AGMO: variants seen among roughly 807,000 people sequenced by gnomAD.
The protein encoded by AGMO is glyceryl-ether monooxygenase.
In AGMO, 75 loss-of-function variants were observed where a neutral mutation model predicts 60.2. The observed-to-expected ratio is 1.25, with a 90% confidence interval of 1.03 to 1.51. The LOEUF (loss-of-function observed/expected upper bound fraction) is 1.51. AGMO is among the 40% of genes most tolerant of loss of function. The pLI, the probability that AGMO is intolerant of heterozygous loss-of-function variation, is 0.00. For missense variants in AGMO, 763 were observed against 525.5 expected, an observed-to-expected ratio of 1.45 and a Z score of -4.42; for synonymous variants, 261 against 177.1, an observed-to-expected ratio of 1.47 and a Z score of -3.76.
At chr7:15,495,112 A>G (rs1380630457) in intron 3 of AGMO, among the ~76,000 whole-genome samples, 1 of 152,200 alleles carries the variant, frequency 6.6e-6, no homozygotes, top group Non-Finnish European at 1.5e-5. Flanking sequence ...TTAATGTGTT[A>G]TATGTAATAA....
At chr7:15,305,187 C>T (rs967669102) in intron 12 of AGMO, among the ~76,000 whole-genome samples, 2 of 150,702 alleles carry the variant, frequency 1.3e-5, no homozygotes, top group Non-Finnish European at 3.0e-5. Flanking sequence ...TGCTATTCTC[C>T]ACCAGAGGGC....
chr7:15,176,806 A>G, the AGMO span, among the ~76,000 whole-genome samples: 1 of 151,966 alleles, frequency 6.6e-6, no homozygotes, highest in Admixed American at 6.6e-5. Context: ...TATTTGTAAC[A>G]TTTGAGAGAG....
the AGMO span, among the ~76,000 whole-genome samples, chr7:15,118,357 G>C: frequency 5.9e-5 from 9 of 151,942 alleles, no homozygotes; most frequent in Non-Finnish European, 2.9e-5. Context: ...GGAGATTATA[G>C]TTACATGCAA....
At chr7:15,402,402 A>G (rs529314538) in intron 5 of AGMO, among the ~76,000 whole-genome samples, 74 of 150,938 alleles carry the variant, frequency 4.9e-4, no homozygotes, top group Non-Finnish European at 9.4e-4. Context: ...GTGTGTGTGC[A>G]TATGTACAAA....
intron 12 of AGMO, among the ~76,000 whole-genome samples, chr7:15,307,423 A>G (rs1303746849): frequency 6.6e-6 from 1 of 152,058 alleles, no homozygotes; most frequent in East Asian, 1.9e-4. Flanking sequence ...ATAAAACTTT[A>G]TTTAGATGGG....
intron 3 of AGMO, among the ~76,000 whole-genome samples, chr7:15,510,324 C>A (rs1783636268): frequency 1.3e-5 from 2 of 151,906 alleles, no homozygotes; most frequent in Admixed American, 1.3e-4. Flanking sequence ...CACCACCATG[C>A]CTAGCTAAGT....
intron 12 of AGMO, among the ~76,000 whole-genome samples, chr7:15,217,120 A>G (rs553316454): frequency 6.6e-6 from 1 of 152,236 alleles, no homozygotes; most frequent in East Asian, 1.9e-4. Context: ...TGATGTTGCA[A>G]TTGAGCCATG....
chr7:15,451,451 G>T (rs981865262), intron 3 of AGMO, among the ~76,000 whole-genome samples: 1 of 152,136 alleles, frequency 6.6e-6, no homozygotes, highest in South Asian at 2.1e-4. Context: ...GAAATGTATT[G>T]CTCACAGCTC....
Position 15,475,951 on chromosome 7 carries a change from C to T in AGMO, c.410-44843G>A, listed in dbSNP as rs74974928. On this transcript the variant is annotated intron_variant, in intron 3 of 12. Transcript: ENST00000342526. ...ATTTTCAAACCATAGGGTAGAAATG[C>T]TTCCAAATCATGACGTAATAGAGCA... 3.3e-3 allele frequency among the ~76,000 whole-genome samples: 505 copies of T among 152,110 alleles called. 2 individuals are homozygous for T. Among genetic ancestry groups the T allele is most frequent in the African/African-American group, 0.011 (464 of 41,522 alleles).
chr7:15,131,266 T>G, the AGMO span, among the ~76,000 whole-genome samples: 1 of 152,144 alleles, frequency 6.6e-6, no homozygotes, highest in South Asian at 2.1e-4. Flanking sequence ...GTTGCTGAAT[T>G]ATTTGCAAAG....
intron 3 of AGMO, among the ~76,000 whole-genome samples, chr7:15,454,425 A>C (rs1231170183): frequency 6.6e-6 from 1 of 151,966 alleles, no homozygotes; most frequent in Non-Finnish European, 1.5e-5. Flanking sequence ...GGAGAGACAG[A>C]TATGTTAATT....
intron 12 of AGMO, among the ~76,000 whole-genome samples, chr7:15,244,566 C>G (rs1037833983): frequency 1.3e-5 from 2 of 152,246 alleles, no homozygotes; most frequent in Admixed American, 1.3e-4. Context: ...GTACTATAAA[C>G]AGATTGATGA....
intron 3 of AGMO, among the ~76,000 whole-genome samples, chr7:15,522,714 T>G (rs1396708602): frequency 6.6e-6 from 1 of 152,188 alleles, no homozygotes; most frequent in Non-Finnish European, 1.5e-5. Context: ...ATTAAAGATT[T>G]AAACATAGGT....
chr7:15,145,211 G>C, the AGMO span, among the ~76,000 whole-genome samples: 1 of 152,226 alleles, frequency 6.6e-6, no homozygotes, highest in Admixed American at 6.5e-5. Flanking sequence ...AGGTAAAATA[G>C]TAAATAAATG....
At chr7:15,219,205 C>T (rs770737373) in intron 12 of AGMO, among the ~76,000 whole-genome samples, 9 of 152,006 alleles carry the variant, frequency 5.9e-5, no homozygotes, top group Admixed American at 2.6e-4. Flanking sequence ...TCTACTCTTA[C>T]GGGGTTTGAA....
chr7:15,218,826 A>G (rs1231425531), intron 12 of AGMO, among the ~76,000 whole-genome samples: 1 of 152,120 alleles, frequency 6.6e-6, no homozygotes, highest in African/African-American at 2.4e-5. Flanking sequence ...TTTTGGTAGA[A>G]AAGACAGGCC....
chr7:15,137,957 A>C, the AGMO span, among the ~76,000 whole-genome samples: 1 of 152,102 alleles, frequency 6.6e-6, no homozygotes, highest in Non-Finnish European at 1.5e-5. Flanking sequence ...TCTCCTCATC[A>C]CTTCTGAGTC....
chr7:15,352,906 A>G (rs1275217746), intron 12 of AGMO, among the ~76,000 whole-genome samples: 5 of 152,034 alleles, frequency 3.3e-5, no homozygotes, highest in Non-Finnish European at 5.9e-5. Flanking sequence ...GCTCTATATC[A>G]TAAGATTGTG....
At chr7:15,297,092 G>C (rs775779937) in intron 12 of AGMO, among the ~76,000 whole-genome samples, 24 of 151,964 alleles carry the variant, frequency 1.6e-4, no homozygotes, top group Non-Finnish European at 1.9e-4. Context: ...AATCAGTACA[G>C]AGAAGAAAAT....
Sources: allele counts gnomAD v4.1 joint callset (sites outside exome capture counted in the v4.1 genomes callset), GRCh38; gene constraint gnomAD v4.1.1; transcripts MANE v1.5; gene names NCBI Gene and HGNC (gene_info 2026-07-23, HGNC 2026-07-21).